IL1RAPL2: variants seen among roughly 807,000 people sequenced by gnomAD.
IL1RAPL2 encodes X-linked interleukin-1 receptor accessory protein-like 2.
IL1RAPL2 carries 3 observed loss-of-function variants against 44.1 expected under a neutral mutation model. The observed-to-expected ratio is 0.07, with a 90% CI of 0.03 to 0.18. The LOEUF is 0.18. IL1RAPL2 is among the 10% of genes least tolerant of loss of function. The pLI is 1.00. For synonymous variants in IL1RAPL2, 181 were observed against 178.8 expected (o/e 1.01, Z -0.10); for missense variants, 391 against 496.4 (o/e 0.79, Z 2.02).
chrX:104,973,146 A>G (rs1406322658), intron 2 of IL1RAPL2, among the ~76,000 whole-genome samples: 1 of 111,724 alleles, frequency 9.0e-6, no homozygotes, highest in Non-Finnish European at 1.9e-5. Context: ...ATTCTGGAAG[A>G]GACTTGTGAA....
At chrX:105,305,548 C>T (rs373032746) in intron 5 of IL1RAPL2, among the ~76,000 whole-genome samples, 17 of 110,567 alleles carry the variant, frequency 1.5e-4, no homozygotes, top group Admixed American at 1.2e-3. Flanking sequence ...TTCTCTCTTT[C>T]GCTCTACAGT....
intron 1 of IL1RAPL2, among the ~76,000 whole-genome samples, chrX:104,612,415 C>T (rs1310925881): frequency 1.8e-5 from 2 of 111,693 alleles, no homozygotes; most frequent in Non-Finnish European, 3.8e-5. Flanking sequence ...GCCACTTATC[C>T]CAGCACAATT....
intron 4 of IL1RAPL2, among the ~76,000 whole-genome samples, chrX:105,251,702 T>C (rs1236105599): frequency 3.6e-5 from 4 of 109,733 alleles, no homozygotes; most frequent in Non-Finnish European, 7.6e-5. Flanking sequence ...CTGATCACCA[T>C]ACTACCATTA....
At chrX:104,685,646 G>A (rs1271197412) in intron 2 of IL1RAPL2, among the ~76,000 whole-genome samples, 2 of 111,436 alleles carry the variant, frequency 1.8e-5, no homozygotes, top group African/African-American at 6.5e-5. Context: ...GGAAGGGAAA[G>A]CATTAGGAGA....
intron 2 of IL1RAPL2, among the ~76,000 whole-genome samples, chrX:105,062,502 G>A (rs986510209): frequency 3.6e-5 from 4 of 111,269 alleles, no homozygotes; most frequent in Non-Finnish European, 7.5e-5. Context: ...TATTCTGTGT[G>A]TCTTTGTACT....
At chrX:105,103,131 G>A (rs1482300084) in intron 2 of IL1RAPL2, among the ~76,000 whole-genome samples, 1 of 111,361 alleles carries the variant, frequency 9.0e-6, no homozygotes, top group Non-Finnish European at 1.9e-5. Flanking sequence ...AGTTTTAACT[G>A]AATGAATTAA....
chrX:105,358,360 CTTT>C (rs398069281), intron 5 of IL1RAPL2, among the ~76,000 whole-genome samples: 74 of 87,935 alleles, frequency 8.4e-4, no homozygotes, highest in African/African-American at 2.7e-3. Context: ...AAAGTTCAGT[CTTT>C]TTTTTTTTTT....
chrX:104,767,893 GA>G (rs1932582323), intron 2 of IL1RAPL2, among the ~76,000 whole-genome samples: 1 of 112,011 alleles, frequency 8.9e-6, no homozygotes, highest in Non-Finnish European at 1.9e-5. Context: ...ACAGGAATCA[GA>G]AGCTAAAGTG....
chrX:105,541,764 T>C (rs2036737693), intron 6 of IL1RAPL2, among the ~76,000 whole-genome samples: 1 of 110,610 alleles, frequency 9.0e-6, no homozygotes, highest in Non-Finnish European at 1.9e-5. Flanking sequence ...TCTCTCAACC[T>C]TTTTCTACAC....
At chrX:105,682,526 T>C (rs1211222154) in intron 6 of IL1RAPL2, among the ~76,000 whole-genome samples, 1 of 111,722 alleles carries the variant, frequency 9.0e-6, no homozygotes, top group African/African-American at 3.2e-5. Context: ...TCATCTAATA[T>C]CAGACAAAAC....
intron 2 of IL1RAPL2, among the ~76,000 whole-genome samples, chrX:104,761,459 T>C (rs1267168904): frequency 9.1e-6 from 1 of 109,674 alleles, no homozygotes; most frequent in Non-Finnish European, 1.9e-5. Flanking sequence ...CAAGGTGAGA[T>C]TTGGGTGGGG....
intron 1 of IL1RAPL2, among the ~76,000 whole-genome samples, chrX:104,601,955 AC>A (rs1928890521): frequency 8.9e-6 from 1 of 112,101 alleles, no homozygotes; most frequent in African/African-American, 3.2e-5. Context: ...TTGTTACAGC[AC>A]TATTTATAAT....
At chrX:105,343,594 A>G (rs955117359) in intron 5 of IL1RAPL2, among the ~76,000 whole-genome samples, 4 of 112,159 alleles carry the variant, frequency 3.6e-5, no homozygotes, top group African/African-American at 1.3e-4. Flanking sequence ...AACCATAGTA[A>G]ATAACTATTT....
intron 2 of IL1RAPL2, among the ~76,000 whole-genome samples, chrX:104,676,078 T>G (rs1930746997): frequency 9.2e-6 from 1 of 109,039 alleles, no homozygotes; most frequent in Admixed American, 9.8e-5. Flanking sequence ...GTCTTTTAAT[T>G]GGAGCATTTA....
chrX:105,445,560 A>G lies in IL1RAPL2; in HGVS notation c.698-38753A>G, dbSNP rs932094469. Among the ~76,000 whole-genome samples, 9 of 110,926 alleles carry G rather than the reference A, an allele frequency of 8.1e-5. No individual in the cohort carries two copies. The East Asian group carries it at 2.5e-3, about 31-fold the overall frequency. Reference sequence around the variant, plus strand: ...TTTTTCTCATAATACTGCTTTTGCTATATCCCATAGGTTTTGTATGTTGTG... The same window carrying G: ...TTTTTCTCATAATACTGCTTTTGCTGTATCCCATAGGTTTTGTATGTTGTG... On this transcript the variant is annotated intron_variant, in intron 5 of 10. Coordinates refer to ENST00000372582, the MANE Select transcript of IL1RAPL2 (RefSeq NM_017416.2).
At chrX:105,218,896 G>A (rs2033898664) in intron 3 of IL1RAPL2, 183 of 635,467 alleles carry the variant, frequency 2.9e-4, no homozygotes, top group Non-Finnish European at 3.9e-4. Flanking sequence ...GCCACCACAA[G>A]CCTGCCCTCT....
intron 5 of IL1RAPL2, among the ~76,000 whole-genome samples, chrX:105,291,217 G>A (rs1025200468): frequency 8.9e-6 from 1 of 112,008 alleles, no homozygotes; most frequent in Non-Finnish European, 1.9e-5. Flanking sequence ...TTACAGGACA[G>A]ATATATTAGA....
At chrX:104,749,957 G>T (rs953801269) in intron 2 of IL1RAPL2, among the ~76,000 whole-genome samples, 4 of 111,906 alleles carry the variant, frequency 3.6e-5, no homozygotes, top group Admixed American at 2.8e-4. Flanking sequence ...TTTAGTGTTA[G>T]CCTGATAGGC....
At chrX:105,410,309 T>C (rs1401788256) in intron 5 of IL1RAPL2, among the ~76,000 whole-genome samples, 4 of 108,741 alleles carry the variant, frequency 3.7e-5, no homozygotes, top group Non-Finnish European at 7.7e-5. Flanking sequence ...AATAGAAGTA[T>C]TGGTTGGTGA....
Sources: allele counts gnomAD v4.1 joint callset (sites outside exome capture counted in the v4.1 genomes callset), GRCh38; gene constraint gnomAD v4.1.1; transcripts MANE v1.5; gene names NCBI Gene and HGNC (gene_info 2026-07-23, HGNC 2026-07-21).